Variants in ADGRL2 observed in about 807,000 individuals in gnomAD.
ADGRL2 encodes adhesion G protein-coupled receptor L2.
ADGRL2 carries 44 observed loss-of-function variants against 157.4 expected under a neutral mutation model. That is an observed-to-expected ratio of 0.28 (90% CI 0.22 to 0.36). The LOEUF (loss-of-function observed/expected upper bound fraction) is 0.36, where lower values mean the gene tolerates loss of function less well. Ranked by LOEUF, ADGRL2 falls within the 10% of genes least tolerant of loss-of-function variation. The pLI, the probability that ADGRL2 is intolerant of heterozygous loss-of-function variation, is 1.00. For missense variants in ADGRL2, 1,510 were observed against 1,768.9 expected, an observed-to-expected ratio of 0.85 and a Z score of 2.63; for synonymous variants, 585 against 624.7, an observed-to-expected ratio of 0.94 and a Z score of 0.95.
chr1:81,324,977 A>T (rs948939023), intron 1 of ADGRL2, among the ~76,000 whole-genome samples: 3 of 152,242 alleles, frequency 2.0e-5, no homozygotes, highest in Non-Finnish European at 4.4e-5. Flanking sequence ...CCGACCTCCC[A>T]AAGTGCTGGG....
Position 81,426,800 on chromosome 1 carries a change from C to T in ADGRL2, c.-301-18236C>T, listed in dbSNP as rs117809638. On this transcript the variant is annotated intron_variant, in intron 1 of 24. Transcript: ENST00000370721. ...AAGATAACTCTTTCTAGAGAGGAGT[C>T]GATAAAGCCTGATGCCCATCTACCA... The T allele has an allele frequency of 7.8e-3, 3,805 of 486,986 alleles. 58 individuals carry two copies. Among genetic ancestry groups the T allele is most frequent in the East Asian group, 0.049 (998 of 20,454 alleles). The allele number at this position is 486,986 out of a possible 1,614,324, so 30.2% of individuals were successfully genotyped here. A position where few individuals can be genotyped will look rare whatever the true frequency, so the allele number is the denominator to read the frequency against.
At chr1:81,354,466 A>G (rs1663133575) in intron 1 of ADGRL2, among the ~76,000 whole-genome samples, 1 of 152,220 alleles carries the variant, frequency 6.6e-6, no homozygotes, top group Non-Finnish European at 1.5e-5. Flanking sequence ...TTTTTCAATA[A>G]GCATTTATTG....
chr1:81,880,719 T>C (rs568125350), intron 2 of ADGRL2, among the ~76,000 whole-genome samples: 15 of 143,596 alleles, frequency 1.0e-4, no homozygotes, highest in African/African-American at 3.8e-4. Context: ...GTCTGAGCCA[T>C]TCCACATTGA....
chr1:81,600,832 C>G (rs2081319493), intron 3 of ADGRL2, among the ~76,000 whole-genome samples: 1 of 152,152 alleles, frequency 6.6e-6, no homozygotes, highest in South Asian at 2.1e-4. Flanking sequence ...TACTTAAAAA[C>G]CTGGAGATAG....
At chr1:81,736,536 G>A (rs181548717) in intron 1 of ADGRL2, among the ~76,000 whole-genome samples, 1 of 152,302 alleles carries the variant, frequency 6.6e-6, no homozygotes, top group East Asian at 1.9e-4. Flanking sequence ...AGTATCATCT[G>A]TAGTTTGATG....
At chr1:81,733,361 C>T (rs2084788641) in intron 1 of ADGRL2, among the ~76,000 whole-genome samples, 1 of 152,244 alleles carries the variant, frequency 6.6e-6, no homozygotes, top group Non-Finnish European at 1.5e-5. Context: ...GTTCTGGAGG[C>T]TAGAAGTCTG....
At chr1:81,497,830 C>A (rs530280811) in intron 2 of ADGRL2, among the ~76,000 whole-genome samples, 4 of 152,170 alleles carry the variant, frequency 2.6e-5, no homozygotes, top group Admixed American at 6.5e-5. Context: ...GATCTAAAGC[C>A]AAAAGTGAAA....
intron 6 of ADGRL2, among the ~76,000 whole-genome samples, chr1:81,944,319 A>G (rs768688956): frequency 1.6e-4 from 24 of 152,202 alleles, no homozygotes; most frequent in Non-Finnish European, 2.9e-4. Flanking sequence ...TTTGAAGTCA[A>G]TATTTCTGTG....
At chr1:81,837,757 A>G (rs1482679704) in intron 2 of ADGRL2, among the ~76,000 whole-genome samples, 2 of 151,994 alleles carry the variant, frequency 1.3e-5, no homozygotes, top group African/African-American at 2.4e-5. Context: ...TTTATTAACT[A>G]TATAGATTTC....
intron 2 of ADGRL2, among the ~76,000 whole-genome samples, chr1:81,871,797 G>A (rs2093702425): frequency 6.6e-6 from 1 of 151,886 alleles, no homozygotes; most frequent in Non-Finnish European, 1.5e-5. Flanking sequence ...ATTTTTTCTT[G>A]TAAATTTAAG....
At chr1:81,414,545 GCAA>G (rs1365982883) in intron 1 of ADGRL2, among the ~76,000 whole-genome samples, 2 of 152,218 alleles carry the variant, frequency 1.3e-5, no homozygotes, top group Non-Finnish European at 2.9e-5. Context: ...GGTGGGTGGT[GCAA>G]GGGAGGCTGG....
At chr1:81,488,217 A>G (rs987272225) in intron 2 of ADGRL2, among the ~76,000 whole-genome samples, 4 of 152,208 alleles carry the variant, frequency 2.6e-5, no homozygotes, top group African/African-American at 9.6e-5. Flanking sequence ...ATGTATGTCC[A>G]GGGAAAAAAG....
chr1:81,654,288 G>T (rs1449024952), intron 3 of ADGRL2, among the ~76,000 whole-genome samples: 1 of 152,130 alleles, frequency 6.6e-6, no homozygotes, highest in Non-Finnish European at 1.5e-5. Context: ...AATGACATCA[G>T]CAGTGTTCTC....
At chr1:81,925,481 G>A (rs1026085558) in intron 3 of ADGRL2, among the ~76,000 whole-genome samples, 2 of 151,130 alleles carry the variant, frequency 1.3e-5, no homozygotes. Context: ...AAGAAATACA[G>A]TATGTGAACA....
At chr1:81,354,819 T>C (rs963677148) in intron 1 of ADGRL2, among the ~76,000 whole-genome samples, 8 of 152,218 alleles carry the variant, frequency 5.3e-5, no homozygotes. Flanking sequence ...CCATGCCTTT[T>C]ACCAAATAGG....
intron 2 of ADGRL2, among the ~76,000 whole-genome samples, chr1:81,791,374 T>C (rs889460745): frequency 2.6e-5 from 4 of 152,192 alleles, no homozygotes; most frequent in Non-Finnish European, 5.9e-5. Context: ...TATAGCTGGG[T>C]CTGTGGATGG....
Position 81,811,872 on chromosome 1 carries a change from C to CT in ADGRL2, c.-101+10815dup, listed in dbSNP as rs36053827. Among the ~76,000 whole-genome samples, 923 of 143,422 alleles carry CT rather than the reference C, an allele frequency of 6.4e-3. 8 individuals carry two copies. Among genetic ancestry groups the CT allele is most frequent in the Middle Eastern group, 0.014 (4 of 278 alleles). The allele number at this position is 143,422 out of a possible 152,430, so 94.1% of individuals were successfully genotyped here. A position where few individuals can be genotyped will look rare whatever the true frequency, so the allele number is the denominator to read the frequency against. On this transcript the variant is annotated intron_variant, in intron 1 of 23. Coordinates refer to ENST00000686636, the MANE Select transcript of ADGRL2 (RefSeq NM_001366006.2). Reference sequence around the variant, plus strand: ...TGAATCAGATAAATGAGCCGGGCAGCTTTTTTTTTTTGGAGTGGTCTATCA... The same window carrying CT: ...TGAATCAGATAAATGAGCCGGGCAGCTTTTTTTTTTTTGGAGTGGTCTATCA...
At chr1:81,729,196 C>G (rs981206330) in intron 1 of ADGRL2, among the ~76,000 whole-genome samples, 1 of 151,620 alleles carries the variant, frequency 6.6e-6, no homozygotes, top group African/African-American at 2.4e-5. Flanking sequence ...TGATAATCAG[C>G]AGTTTCTAAA....
chr1:81,594,547 T>C (rs2081195115), intron 3 of ADGRL2, among the ~76,000 whole-genome samples: 2 of 152,208 alleles, frequency 1.3e-5, no homozygotes, highest in South Asian at 2.1e-4. Context: ...TACAGAACTT[T>C]TCAACAGTTG....
Sources: allele counts gnomAD v4.1 joint callset (sites outside exome capture counted in the v4.1 genomes callset), GRCh38; gene constraint gnomAD v4.1.1; transcripts MANE v1.5; gene names NCBI Gene and HGNC (gene_info 2026-07-23, HGNC 2026-07-21).